Variants in PLCG2 observed in about 807,000 individuals in gnomAD.
The protein encoded by PLCG2 is phospholipase C gamma 2.
Under a neutral mutation model 175.6 loss-of-function variants are expected in PLCG2, and 69 were observed. That is an observed-to-expected ratio of 0.39 (90% CI 0.32 to 0.48). The LOEUF is 0.48. PLCG2 is among the 20% of genes least tolerant of loss of function. The probability of loss-of-function intolerance (pLI) is 0.91; values close to 1 mark genes in which losing one functional copy is unlikely to be tolerated. For missense variants in PLCG2, 1,798 were observed against 1,650.9 expected, an observed-to-expected ratio of 1.09 and a Z score of -1.54; for synonymous variants, 827 against 624.0, an observed-to-expected ratio of 1.33 and a Z score of -4.85.
intron 7 of PLCG2, among the ~76,000 whole-genome samples, chr16:81,880,401 A>G (rs575837683): frequency 2.8e-4 from 42 of 152,226 alleles, no homozygotes; most frequent in Non-Finnish European, 4.8e-4. Context: ...ACTCTGTAGA[A>G]AAACTGGCAC....
At chr16:81,902,126 T>C (rs750220117) in intron 14 of PLCG2, among the ~76,000 whole-genome samples, 2 of 152,208 alleles carry the variant, frequency 1.3e-5, no homozygotes, top group Non-Finnish European at 2.9e-5. Flanking sequence ...TTCTCTACTG[T>C]TCTGTGCATG....
intron 12 of PLCG2, among the ~76,000 whole-genome samples, chr16:81,894,913 G>A (rs1211481420): frequency 6.6e-6 from 1 of 151,994 alleles, no homozygotes; most frequent in Admixed American, 6.6e-5. Context: ...AAATAAAAAA[G>A]GCATCAACTA....
chr16:81,763,403 A>G (rs545534006), intron 2 of PLCG2, among the ~76,000 whole-genome samples: 156 of 152,360 alleles, frequency 1.0e-3, no homozygotes, highest in African/African-American at 3.6e-3. Context: ...GCTCTCTGCA[A>G]GGTCTCTTGT....
rs759929786 is a variant in PLCG2 at position 81,912,693 on chromosome 16, C to T, written c.2031C>T (p.Ser677=). The T allele has an allele frequency of 5.8e-5, 93 of 1,609,702 alleles. No individual in the cohort carries two copies. The highest frequency in any genetic ancestry group is 1.7e-4 in the African/African-American group (13 of 74,998). ...TCCTGATCCGGAAGCGAGAGGGGAG[C>T]GACTCCTATGCCATCACCTTCAGGT... ...GAFLIRKREG[S]DSYAITFRAR... is the part of the protein sequence containing the mutation. Residue 677 remains serine, a synonymous_variant, in exon 19 of 33, where the codon AGC becomes AGT. Transcript: ENST00000564138.
In PLCG2 at chr16:81,958,314, C is replaced by A; in HGVS notation, c.*316C>A. 1 of 378,734 alleles carries A rather than the reference C, an allele frequency of 2.6e-6. No homozygotes were observed. Among genetic ancestry groups the A allele is most frequent in the Non-Finnish European group, 4.8e-6 (1 of 207,572 alleles). 23.5% of individuals were successfully genotyped at this position (378,734 alleles called of 1,614,324 possible). On this transcript the variant is annotated 3_prime_UTR_variant, in exon 33 of 33. Coordinates refer to ENST00000564138, the MANE Select transcript of PLCG2 (RefSeq NM_002661.5). ...CCTTGATCAATTAAGCCTTCTGTTG[C>A]ACGACCTGTGCAGTGAACAGGATTT...
intron 1 of PLCG2, among the ~76,000 whole-genome samples, chr16:81,753,524 T>G (rs763435381): frequency 9.2e-5 from 14 of 152,108 alleles, no homozygotes; most frequent in Admixed American, 2.0e-4. Flanking sequence ...GTTCAAGCGA[T>G]TCTCCTGTAT....
chr16:81,785,148 C>T (rs114845770), intron 1 of PLCG2, among the ~76,000 whole-genome samples: 1,997 of 152,194 alleles, frequency 0.013, 45 homozygotes, highest in African/African-American at 0.044. Flanking sequence ...TGAGAGAGTC[C>T]ACGCAAGGAT....
intron 14 of PLCG2, among the ~76,000 whole-genome samples, chr16:81,901,502 C>G (rs1303576686): frequency 6.6e-6 from 1 of 152,220 alleles, no homozygotes; most frequent in African/African-American, 2.4e-5. Flanking sequence ...TCTAGCATCT[C>G]TCAGGGCAGC....
chr16:81,923,380 C>T, intron 21 of PLCG2, 105 bp from the exon 22 acceptor site: 1 of 655,968 alleles, frequency 1.5e-6, no homozygotes, highest in Non-Finnish European at 2.7e-6. Context: ...TGGCCTGAAG[C>T]CTCCTGCTCC....
chr16:81,822,562 G>A (rs998198979), intron 2 of PLCG2, among the ~76,000 whole-genome samples: 4 of 152,024 alleles, frequency 2.6e-5, no homozygotes, highest in African/African-American at 4.8e-5. Flanking sequence ...TTCGAGACCA[G>A]CCTGGCCAAT....
chr16:81,739,231 C>T (rs930052574), exon 1 of PLCG2: 1 of 151,968 alleles, frequency 6.6e-6, no homozygotes, highest in African/African-American at 2.4e-5. Context: ...ATTAGTTCAC[C>T]CCTAGCTTCT....
intron 2 of PLCG2, among the ~76,000 whole-genome samples, chr16:81,822,496 C>T (rs1904842930): frequency 6.6e-6 from 1 of 152,162 alleles, no homozygotes; most frequent in South Asian, 2.1e-4. Flanking sequence ...GTGGCTCATG[C>T]CTGTAATCCC....
chr16:81,908,683 G>C, intron 17 of PLCG2, 92 bp downstream of exon 17: 2 of 1,142,346 alleles, frequency 1.8e-6, no homozygotes, highest in Non-Finnish European at 2.5e-6. Flanking sequence ...GCAGGAATTG[G>C]GCAGGCTGGG....
intron 9 of PLCG2, 114 bp downstream of exon 9, chr16:81,883,455 T>A (rs1908194096): frequency 1.3e-6 from 1 of 755,706 alleles, no homozygotes; most frequent in African/African-American, 1.7e-5. Flanking sequence ...CCTGGCCACC[T>A]GTGCTCACCT....
At position 81,907,750 on chromosome 16, in the gene PLCG2, G is replaced by A; in HGVS notation, c.1533G>A (p.Gln511=). Residue 511 remains glutamine (Q), a synonymous_variant, in exon 16 of 33, where the codon CAG becomes CAA. Coordinates refer to ENST00000564138, the MANE Select transcript of PLCG2 (RefSeq NM_002661.5). The part of the protein sequence containing the change: ...AKLSFSDDIE[Q]TMEEEVPQDI... ...TGTCCTTCAGTGATGACATTGAACA[G>A]ACTATGGAGGAGGAAGTGCCCCAGG... 1 of 1,613,710 alleles carries A rather than the reference G, an allele frequency of 6.2e-7. No individual in the cohort carries two copies. The highest frequency in any genetic ancestry group is 1.1e-5 in the South Asian group (1 of 91,070).
rs778944893 is a variant in PLCG2 at position 81,907,783 on chromosome 16, A to G, written c.1557+9A>G. On this transcript the variant is annotated intron_variant, in intron 16 of 32. Transcript: ENST00000564138. ...AGGAGGAAGTGCCCCAGGTAGGGGG[A>G]CACCCTAGCCACATAGGGAGGAGGT... 5.0e-6 allele frequency: 8 copies of G among 1,604,192 alleles called. No homozygotes were observed. The East Asian group carries it at 1.1e-4, about 22-fold the overall frequency.
chr16:81,748,590 C>G (rs1909748505), intron 1 of PLCG2, among the ~76,000 whole-genome samples: 1 of 151,816 alleles, frequency 6.6e-6, no homozygotes, highest in African/African-American at 2.4e-5. Flanking sequence ...TTGCACTTAC[C>G]CCTTGAGACC....
chr16:81,812,829 T>C (rs1597332889), intron 2 of PLCG2, among the ~76,000 whole-genome samples: 1 of 152,234 alleles, frequency 6.6e-6, no homozygotes, highest in African/African-American at 2.4e-5. Flanking sequence ...AAGTCTTTTA[T>C]CCATCTTGAG....
intron 2 of PLCG2, among the ~76,000 whole-genome samples, chr16:81,787,422 G>T (rs1332144489): frequency 1.9e-4 from 8 of 41,748 alleles, no homozygotes; most frequent in Admixed American, 1.6e-3. Flanking sequence ...GTAGAGATGG[G>T]ATCTCACTAT....
Sources: allele counts gnomAD v4.1 joint callset (sites outside exome capture counted in the v4.1 genomes callset), GRCh38; gene constraint gnomAD v4.1.1; transcripts MANE v1.5; gene names NCBI Gene and HGNC (gene_info 2026-07-23, HGNC 2026-07-21).